PPP3CC: variants seen among roughly 807,000 people sequenced by gnomAD.
PPP3CC encodes protein phosphatase 3 catalytic subunit gamma, also known as serine/threonine-protein phosphatase 2B catalytic subunit gamma isoform.
In PPP3CC, 35 loss-of-function variants were observed where a neutral mutation model predicts 60.3. The observed-to-expected ratio is 0.58, with a 90% confidence interval of 0.44 to 0.77. PPP3CC has a LOEUF of 0.77. Ranked by LOEUF, PPP3CC falls within the 30% of genes least tolerant of loss-of-function variation. The pLI, the probability that PPP3CC is intolerant of heterozygous loss-of-function variation, is 0.00. For synonymous variants in PPP3CC, 206 were observed against 224.3 expected, an observed-to-expected ratio of 0.92 and a Z score of 0.73; for missense variants, 570 against 628.9, an observed-to-expected ratio of 0.91 and a Z score of 1.00.
intron 3 of PPP3CC, among the ~76,000 whole-genome samples, chr8:22,495,345 A>G (rs766037343): frequency 3.3e-5 from 5 of 152,154 alleles, no homozygotes; most frequent in African/African-American, 1.2e-4. Context: ...GTGTGAGTGC[A>G]TCATAGCTTA....
chr8:22,508,079 C>T (rs897697880), intron 4 of PPP3CC, among the ~76,000 whole-genome samples: 3 of 152,072 alleles, frequency 2.0e-5, no homozygotes, highest in African/African-American at 7.2e-5. Flanking sequence ...CATATCGAGA[C>T]CCTGTCTCTA....
chr8:22,528,408 A>T (rs1273563874), intron 9 of PPP3CC, 98 bp from the exon 10 acceptor site: 2 of 672,642 alleles, frequency 3.0e-6, no homozygotes, highest in South Asian at 8.3e-5. Flanking sequence ...ATTTTTGCTT[A>T]TGCTTACTTA....
intron 8 of PPP3CC, among the ~76,000 whole-genome samples, chr8:22,526,139 A>G (rs1427770038): frequency 2.6e-5 from 4 of 152,162 alleles, no homozygotes; most frequent in African/African-American, 9.7e-5. Context: ...AAGTGCTAGG[A>G]GTGCTCTTTC....
At chr8:22,517,237 A>G (rs1358693614) in intron 6 of PPP3CC, among the ~76,000 whole-genome samples, 1 of 152,196 alleles carries the variant, frequency 6.6e-6, no homozygotes, top group Admixed American at 6.5e-5. Context: ...CACAGTATAT[A>G]ATACTTTTAG....
At chr8:22,522,849 A>T (rs527661203) in intron 8 of PPP3CC, 100 bp downstream of exon 8, 31 of 881,508 alleles carry the variant, frequency 3.5e-5, no homozygotes, top group Non-Finnish European at 4.9e-5. Flanking sequence ...TTTAAAACAT[A>T]AATTTTAAAT....
At chr8:22,538,008 T>A (rs1839881309) in intron 12 of PPP3CC, among the ~76,000 whole-genome samples, 1 of 152,242 alleles carries the variant, frequency 6.6e-6, no homozygotes, top group Non-Finnish European at 1.5e-5. Flanking sequence ...TCTACTATAT[T>A]AAAACCATTG....
intron 1 of PPP3CC, among the ~76,000 whole-genome samples, chr8:22,451,292 C>T (rs1462617089): frequency 1.3e-5 from 2 of 151,994 alleles, no homozygotes; most frequent in East Asian, 3.9e-4. Flanking sequence ...CATGCCACCA[C>T]GCCCAGCTAG....
rs184677489 is a variant in PPP3CC at position 22,443,891 on chromosome 8, A to G, written c.49+2433A>G. Among the ~76,000 whole-genome samples, 16 of 152,268 alleles carry G rather than the reference A, an allele frequency of 1.1e-4. No homozygotes were observed. The South Asian group carries it at 1.9e-3, about 18-fold the overall frequency. On this transcript the variant is annotated intron_variant, in intron 1 of 13. Transcript: ENST00000240139. The stretch of plus-strand genomic sequence containing the variant: ...GGGTACTAAACCCTGGTCTGATGCT[A>G]TCTTGTTTAGTCACAGCTGTCTGCA...
chr8:22,496,792 C>CGG (rs1268437435), intron 3 of PPP3CC, among the ~76,000 whole-genome samples: 3 of 151,904 alleles, frequency 2.0e-5, no homozygotes, highest in African/African-American at 7.2e-5. Flanking sequence ...CCATTGTGCC[C>CGG]GGCTGAGAAC....
At chr8:22,447,895 T>C (rs1380424308) in intron 1 of PPP3CC, among the ~76,000 whole-genome samples, 2 of 152,206 alleles carry the variant, frequency 1.3e-5, no homozygotes, top group Non-Finnish European at 2.9e-5. Context: ...CAGAAAGATA[T>C]ACTGGATGGC....
intron 1 of PPP3CC, among the ~76,000 whole-genome samples, chr8:22,454,350 A>C (rs2132436008): frequency 6.6e-6 from 1 of 152,332 alleles, no homozygotes; most frequent in Admixed American, 6.5e-5. Flanking sequence ...CAGGGGAATT[A>C]ACAGGCATGG....
intron 12 of PPP3CC, among the ~76,000 whole-genome samples, chr8:22,534,924 A>AT (rs1839811544): frequency 6.6e-6 from 1 of 152,224 alleles, no homozygotes; most frequent in African/African-American, 2.4e-5. Context: ...CTAATCAGTG[A>AT]TAATAAAGTC....
chr8:22,496,371 T>C (rs918559857), intron 3 of PPP3CC, among the ~76,000 whole-genome samples: 9 of 151,960 alleles, frequency 5.9e-5, no homozygotes, highest in Admixed American at 2.6e-4. Flanking sequence ...CTTTCTTGCA[T>C]GTTCATTTTT....
intron 5 of PPP3CC, among the ~76,000 whole-genome samples, chr8:22,511,770 G>A (rs189161622): frequency 2.0e-5 from 3 of 152,252 alleles, no homozygotes; most frequent in African/African-American, 4.8e-5. Flanking sequence ...TAACATTCTT[G>A]TAGTATAGTC....
chr8:22,462,359 G>A (rs938466021), intron 1 of PPP3CC, among the ~76,000 whole-genome samples: 1 of 152,186 alleles, frequency 6.6e-6, no homozygotes, highest in Admixed American at 6.5e-5. Flanking sequence ...CTGTGCATCT[G>A]CAAGCAATTT....
chr8:22,444,590 C>G, intron 1 of PPP3CC, among the ~76,000 whole-genome samples: 1 of 152,132 alleles, frequency 6.6e-6, no homozygotes, highest in Middle Eastern at 3.2e-3. Context: ...CTGGTACTCC[C>G]TAGGCAGCAG....
chr8:22,512,457 T>C (rs1313361142), intron 5 of PPP3CC, among the ~76,000 whole-genome samples: 1 of 152,114 alleles, frequency 6.6e-6, no homozygotes, highest in Non-Finnish European at 1.5e-5. Flanking sequence ...ACTAAAGGCT[T>C]AAGTTAATAA....
At chr8:22,521,412 C>T (rs186731517) in intron 6 of PPP3CC, among the ~76,000 whole-genome samples, 40 of 152,218 alleles carry the variant, frequency 2.6e-4, no homozygotes, top group Admixed American at 2.4e-3. Flanking sequence ...GGACTGGAGC[C>T]GGGTTTACAA....
intron 4 of PPP3CC, among the ~76,000 whole-genome samples, chr8:22,507,393 A>G (rs1405545633): frequency 6.6e-6 from 1 of 152,202 alleles, no homozygotes; most frequent in Non-Finnish European, 1.5e-5. Flanking sequence ...AAATAAAGCA[A>G]TTGAATCAGC....
Sources: allele counts gnomAD v4.1 joint callset (sites outside exome capture counted in the v4.1 genomes callset), GRCh38; gene constraint gnomAD v4.1.1; transcripts MANE v1.5; gene names NCBI Gene and HGNC (gene_info 2026-07-23, HGNC 2026-07-21).